RAD51B: variants seen among roughly 807,000 people sequenced by gnomAD.
RAD51B encodes DNA repair protein RAD51 homolog 2.
RAD51B carries 38 observed loss-of-function variants against 42.2 expected under a neutral mutation model. The observed-to-expected ratio is 0.90, with a 90% confidence interval of 0.70 to 1.18. RAD51B has a LOEUF of 1.18. Ranked by LOEUF, RAD51B falls within the 50% of genes most tolerant of loss-of-function variation. The pLI is 0.00. For synonymous variants in RAD51B, 154 were observed against 145.2 expected (o/e 1.06, Z -0.43); for missense variants, 373 against 400.7 (o/e 0.93, Z 0.59).
rs184891355 is a variant in RAD51B, at chr14:68,237,942, C to A, written c.757-53942C>A. Among the ~76,000 whole-genome samples, 412 of 152,078 alleles carry A rather than the reference C, an allele frequency of 2.7e-3. 6 individuals carry two copies. Among genetic ancestry groups the A allele is most frequent in the Non-Finnish European group, 2.4e-3 (161 of 67,980 alleles). On this transcript the variant is annotated intron_variant, in intron 7 of 10. Transcript: ENST00000471583. ...TAGAGATGGTGTTTCACCGTGTTGG[C>A]CAAGATGGTCTCGATCTCCTGACTT...
At chr14:68,123,106 T>C (rs2077683895) in intron 7 of RAD51B, among the ~76,000 whole-genome samples, 1 of 152,220 alleles carries the variant, frequency 6.6e-6, no homozygotes, top group Non-Finnish European at 1.5e-5. Flanking sequence ...TGTTTTATCA[T>C]TTTCAGGCTT....
At chr14:68,226,232 A>G (rs1346110315) in intron 7 of RAD51B, among the ~76,000 whole-genome samples, 2 of 152,200 alleles carry the variant, frequency 1.3e-5, no homozygotes, top group Non-Finnish European at 2.9e-5. Flanking sequence ...CGGTTTTCTA[A>G]TCTATAAAAT....
chr14:68,053,184 G>A (rs1343837239), intron 7 of RAD51B, among the ~76,000 whole-genome samples: 2 of 152,128 alleles, frequency 1.3e-5, no homozygotes, highest in African/African-American at 4.8e-5. Context: ...GTTCTTTTGG[G>A]AACTGGGAAG....
chr14:68,264,163 G>A (rs1386315888), intron 7 of RAD51B, among the ~76,000 whole-genome samples: 1 of 152,244 alleles, frequency 6.6e-6, no homozygotes, highest in Admixed American at 6.5e-5. Flanking sequence ...AAACAGGGGT[G>A]AGGATCGTGT....
intron 3 of RAD51B, among the ~76,000 whole-genome samples, chr14:67,830,089 G>A (rs902895952): frequency 9.2e-5 from 14 of 152,136 alleles, no homozygotes; most frequent in Non-Finnish European, 1.8e-4. Flanking sequence ...TGGGGCTTGC[G>A]TGAGTGGGTC....
At chr14:68,301,592 G>GTTTTTTTTTTTTTTTTT (rs139865933) in intron 8 of RAD51B, among the ~76,000 whole-genome samples, 2 of 109,778 alleles carry the variant, frequency 1.8e-5, no homozygotes, top group African/African-American at 3.3e-5. Context: ...TTGTTTGTGT[G>GTTTTTTTTTTTTTTTTT]TTTTTTTTTT....
intron 7 of RAD51B, among the ~76,000 whole-genome samples, chr14:67,965,972 T>C (rs1024817017): frequency 6.6e-6 from 1 of 152,226 alleles, no homozygotes; most frequent in Non-Finnish European, 1.5e-5. Context: ...CAGAAGGTAC[T>C]GGCATTATAG....
intron 11 of RAD51B, among the ~76,000 whole-genome samples, chr14:68,673,674 C>T (rs1339113532): frequency 6.7e-6 from 1 of 149,916 alleles, no homozygotes; most frequent in Non-Finnish European, 1.5e-5. Context: ...ACTGTGCACA[C>T]ACATATGTAT....
chr14:68,248,407 G>C (rs978157726), intron 7 of RAD51B, among the ~76,000 whole-genome samples: 3 of 152,078 alleles, frequency 2.0e-5, no homozygotes, highest in Non-Finnish European at 4.4e-5. Context: ...AATGAGAAGG[G>C]CTGTTGTAAT....
At chr14:68,314,755 A>G (rs1353384612) in intron 8 of RAD51B, among the ~76,000 whole-genome samples, 1 of 152,298 alleles carries the variant, frequency 6.6e-6, no homozygotes, top group East Asian at 1.9e-4. Flanking sequence ...ATGACAGGCA[A>G]TGATGGTTCA....
chr14:68,025,369 T>C (rs995393569), intron 7 of RAD51B, among the ~76,000 whole-genome samples: 1 of 151,996 alleles, frequency 6.6e-6, no homozygotes, highest in African/African-American at 2.4e-5. Flanking sequence ...GAATGAGTTA[T>C]GGAGGAGTCC....
In RAD51B at chr14:68,652,620, C is replaced by T. The variant is rs372874821; in HGVS notation, c.*11+1764C>T. 5.4e-4 allele frequency among the ~76,000 whole-genome samples: 82 copies of T among 152,304 alleles called. 2 individuals are homozygous for T. The highest frequency in any genetic ancestry group is 1.9e-3 in the African/African-American group (78 of 41,560). ...CATCTGTTTCTTCTTGGATCCTGGA[C>T]GCCAAAGAGTGACTGGCCACTCCTT... On this transcript the variant is annotated intron_variant, in intron 11 of 11. Transcript: ENST00000488612.
intron 8 of RAD51B, among the ~76,000 whole-genome samples, chr14:68,393,997 T>G (rs2083837823): frequency 6.6e-6 from 1 of 152,074 alleles, no homozygotes; most frequent in African/African-American, 2.4e-5. Context: ...TGTTTTGAAC[T>G]TGTGCAGTCT....
intron 10 of RAD51B, among the ~76,000 whole-genome samples, chr14:68,621,381 C>G (rs887424815): frequency 2.6e-5 from 4 of 152,358 alleles, no homozygotes; most frequent in African/African-American, 9.6e-5. Context: ...GCCATTCTCT[C>G]CCACTCCTTT....
chr14:68,496,093 T>C (rs760773973), intron 10 of RAD51B, among the ~76,000 whole-genome samples: 37 of 152,220 alleles, frequency 2.4e-4, no homozygotes, highest in Non-Finnish European at 4.7e-4. Flanking sequence ...TGACAAACAG[T>C]GTGTCAAACA....
At chr14:68,580,374 T>A (rs372870078) in intron 10 of RAD51B, among the ~76,000 whole-genome samples, 22 of 126,638 alleles carry the variant, frequency 1.7e-4, no homozygotes, top group Non-Finnish European at 3.6e-4. Context: ...TTTGAGTAGC[T>A]GTGTGACCTT....
In RAD51B at chr14:68,050,886, T is replaced by G. The variant is rs1384932502; in HGVS notation, c.756+163682T>G. On this transcript the variant is annotated intron_variant, in intron 7 of 10. Transcript: ENST00000471583. ...ATATACAGTTATTTGGATCTTGCCT[T>G]TTTTTTTATTTATTTATAATTATAT... 2.0e-5 allele frequency among the ~76,000 whole-genome samples: 3 copies of G among 151,642 alleles called. No homozygotes were observed. In the East Asian group the frequency reaches 5.8e-4, roughly 29 times the overall value.
intron 7 of RAD51B, among the ~76,000 whole-genome samples, chr14:68,002,469 C>A (rs1160985791): frequency 6.6e-6 from 1 of 152,024 alleles, no homozygotes; most frequent in Non-Finnish European, 1.5e-5. Context: ...AAATTTTCTG[C>A]CATTCTGTTA....
Position 68,025,627 on chromosome 14 carries a change from A to G in RAD51B, c.756+138423A>G, listed in dbSNP as rs146883624. On this transcript the variant is annotated intron_variant, in intron 7 of 10. Transcript: ENST00000471583. ...GGAGACTGTGTGTTTCCAGGAATTT[A>G]TCCACTTTCTCTAGATCTTCTAATT... 2.5e-3 allele frequency among the ~76,000 whole-genome samples: 384 copies of G among 151,918 alleles called. 2 individuals carry two copies. The highest frequency in any genetic ancestry group is 8.9e-3 in the African/African-American group (368 of 41,424).
Sources: gnomAD v4.1 joint callset for allele counts (sites outside exome capture counted in the v4.1 genomes callset) on GRCh38, gnomAD v4.1.1 for gene constraint, MANE v1.5 for transcripts, NCBI Gene and HGNC (gene_info 2026-07-23, HGNC 2026-07-21) for gene names.